DOCK9: variants seen among roughly 807,000 people sequenced by gnomAD.
DOCK9 encodes the protein dedicator of cytokinesis protein 9.
In DOCK9, 89 loss-of-function variants were observed where a neutral mutation model predicts 263.3. The observed-to-expected ratio is 0.34, with a 90% CI of 0.28 to 0.40. DOCK9 has a LOEUF of 0.40. DOCK9 is among the 10% of genes least tolerant of loss of function. The probability of loss-of-function intolerance (pLI) is 1.00; values close to 1 mark genes in which losing one functional copy is unlikely to be tolerated. For synonymous variants in DOCK9, 976 were observed against 973.1 expected, an observed-to-expected ratio of 1.00 and a Z score of -0.06; for missense variants, 2,140 against 2,603.4, an observed-to-expected ratio of 0.82 and a Z score of 3.87.
chr13:98,977,171 C>T (rs1377037231), intron 1 of DOCK9, among the ~76,000 whole-genome samples: 1 of 152,146 alleles, frequency 6.6e-6, no homozygotes, highest in Non-Finnish European at 1.5e-5. Context: ...CAAAGTCCAC[C>T]AAAGCACTTG....
intron 36 of DOCK9, 21 bp from the exon 37 acceptor site, chr13:98,848,660 T>G: frequency 1.9e-6 from 3 of 1,607,302 alleles, no homozygotes; most frequent in South Asian, 2.2e-5. Flanking sequence ...GATGAAAAAT[T>G]ATTAGGGAAA....
chr13:98,853,124 A>G (rs2093617787), intron 35 of DOCK9, among the ~76,000 whole-genome samples: 2 of 152,222 alleles, frequency 1.3e-5, no homozygotes, highest in Admixed American at 6.5e-5. Flanking sequence ...TTAAGATGGC[A>G]GGTCCCAGTT....
At chr13:98,935,873 G>T (rs1049020662) in intron 2 of DOCK9, among the ~76,000 whole-genome samples, 8 of 152,222 alleles carry the variant, frequency 5.3e-5, no homozygotes, top group Non-Finnish European at 1.5e-5. Flanking sequence ...GGCCGTCAAT[G>T]TTTGATACCA....
intron 45 of DOCK9, among the ~76,000 whole-genome samples, chr13:98,811,961 T>C (rs188863987): frequency 1.5e-4 from 23 of 152,306 alleles, no homozygotes; most frequent in Middle Eastern, 3.4e-3. Context: ...TTTGCATATG[T>C]ATATCCAATT....
intron 2 of DOCK9, among the ~76,000 whole-genome samples, chr13:98,954,745 T>C (rs1363812546): frequency 6.6e-6 from 1 of 152,088 alleles, no homozygotes; most frequent in African/African-American, 2.4e-5. Context: ...GCAAAGCCCA[T>C]CATTAAGATT....
chr13:99,007,745 C>T (rs1340394179), intron 1 of DOCK9, among the ~76,000 whole-genome samples: 1 of 152,152 alleles, frequency 6.6e-6, no homozygotes, highest in Non-Finnish European at 1.5e-5. Flanking sequence ...GTGTTACTTG[C>T]CTAAGTATAC....
intron 1 of DOCK9, among the ~76,000 whole-genome samples, chr13:99,038,473 T>A (rs1888158365): frequency 6.6e-6 from 1 of 151,590 alleles, no homozygotes; most frequent in African/African-American, 2.4e-5. Flanking sequence ...CCCGGCTAAC[T>A]TTCTGTATTT....
chr13:98,979,820 A>G (rs1184282852), upstream of DOCK9, among the ~76,000 whole-genome samples: 2 of 152,252 alleles, frequency 1.3e-5, no homozygotes, highest in African/African-American at 4.8e-5. Flanking sequence ...GTAAAAACTT[A>G]GGAATGTCCT....
chr13:98,977,764 T>G lies in DOCK9; in HGVS notation c.126+20A>C. ...CAGCATTGGGTAGACACAGCAACACTTTGTACGAGACCCTCTTACCGGCAC... is the reference window on the plus strand; with the variant it reads ...CAGCATTGGGTAGACACAGCAACACGTTGTACGAGACCCTCTTACCGGCAC... On this transcript the variant is annotated intron_variant, in intron 1 of 52. Coordinates refer to ENST00000682017, the MANE Select transcript of DOCK9 (RefSeq NM_001366683.2). 6.2e-7 allele frequency: 1 copy of G among 1,610,404 alleles called. No homozygotes were observed.
chr13:99,081,016 A>G (rs531942933), intron 1 of DOCK9, among the ~76,000 whole-genome samples: 4 of 152,288 alleles, frequency 2.6e-5, no homozygotes, highest in African/African-American at 9.6e-5. Flanking sequence ...CTAATAATCA[A>G]AAGGACTAGA....
intron 9 of DOCK9, among the ~76,000 whole-genome samples, chr13:98,905,529 G>A (rs2048953453): frequency 6.6e-6 from 1 of 151,988 alleles, no homozygotes; most frequent in African/African-American, 2.4e-5. Context: ...AGGTGCAAAG[G>A]GACAAGTCAC....
At chr13:98,954,810 G>A (rs1393297515) in intron 2 of DOCK9, among the ~76,000 whole-genome samples, 1 of 149,732 alleles carries the variant, frequency 6.7e-6, no homozygotes, top group Non-Finnish European at 1.5e-5. Context: ...AGACAGAAAG[G>A]CACTTGTGCC....
At chr13:99,038,282 GC>G (rs768348816) in intron 1 of DOCK9, among the ~76,000 whole-genome samples, 1,634 of 72,102 alleles carry the variant, frequency 0.023, 93 homozygotes, top group East Asian at 0.087. Context: ...CTGGCTTTAT[GC>G]CCCCCTTTTT....
At chr13:98,958,385 C>A (rs1479034479) in intron 1 of DOCK9, among the ~76,000 whole-genome samples, 2 of 152,278 alleles carry the variant, frequency 1.3e-5, no homozygotes, top group Non-Finnish European at 2.9e-5. Flanking sequence ...AGGCCTGAAT[C>A]TCTGCCTTGG....
chr13:99,012,037 G>A (rs1884574614), intron 1 of DOCK9, among the ~76,000 whole-genome samples: 1 of 152,014 alleles, frequency 6.6e-6, no homozygotes, highest in Admixed American at 6.6e-5. Flanking sequence ...TGCTCAGGCT[G>A]GTCTCGAACT....
At chr13:98,965,301 A>T (rs1460637427) in intron 1 of DOCK9, among the ~76,000 whole-genome samples, 2 of 152,192 alleles carry the variant, frequency 1.3e-5, no homozygotes, top group Non-Finnish European at 2.9e-5. Flanking sequence ...GTAGATGGTG[A>T]AAATCAAGAT....
intron 13 of DOCK9, among the ~76,000 whole-genome samples, chr13:98,901,334 A>C (rs2048247109): frequency 6.6e-6 from 1 of 152,214 alleles, no homozygotes; most frequent in African/African-American, 2.4e-5. Flanking sequence ...AGCAAAAACC[A>C]AGTGGACCTG....
chr13:98,850,877 G>A (rs1464566929), intron 35 of DOCK9, among the ~76,000 whole-genome samples: 1 of 151,846 alleles, frequency 6.6e-6, no homozygotes, highest in Non-Finnish European at 1.5e-5. Context: ...AACCTTTTTT[G>A]CATTCTTATA....
chr13:98,933,920 C>T (rs896931451), intron 2 of DOCK9, among the ~76,000 whole-genome samples: 65 of 150,804 alleles, frequency 4.3e-4, no homozygotes, highest in Admixed American at 3.4e-3. Context: ...TTGTTTGAAA[C>T]AGTATCTCAC....
Sources: allele counts gnomAD v4.1 joint callset (sites outside exome capture counted in the v4.1 genomes callset), GRCh38; gene constraint gnomAD v4.1.1; transcripts MANE v1.5; gene names NCBI Gene and HGNC (gene_info 2026-07-23, HGNC 2026-07-21).